TMEM123: variants seen among roughly 807,000 people sequenced by gnomAD.
The protein encoded by TMEM123 is porimin.
Under a neutral mutation model 19.7 loss-of-function variants are expected in TMEM123, and 16 were observed. The observed-to-expected ratio is 0.81, with a 90% CI of 0.55 to 1.23. The LOEUF is 1.23. TMEM123 is among the 50% of genes most tolerant of loss of function. The pLI is 0.00. For missense variants in TMEM123, 313 were observed against 257.8 expected, an observed-to-expected ratio of 1.21 and a Z score of -1.47; for synonymous variants, 118 against 99.4, an observed-to-expected ratio of 1.19 and a Z score of -1.12.
At chr11:102,427,599 G>A (rs749946803) in intron 2 of TMEM123, among the ~76,000 whole-genome samples, 3 of 151,488 alleles carry the variant, frequency 2.0e-5, no homozygotes, top group African/African-American at 4.9e-5. Flanking sequence ...AGCACTTCGG[G>A]AGGCTGAGGC....
intron 4 of TMEM123, among the ~76,000 whole-genome samples, chr11:102,399,102 G>A (rs142759451): frequency 1.3e-5 from 2 of 152,306 alleles, no homozygotes; most frequent in East Asian, 3.9e-4. Flanking sequence ...ATCTTGTCTT[G>A]CTGCAATCAT....
intron 4 of TMEM123, among the ~76,000 whole-genome samples, chr11:102,401,034 A>G (rs958489505): frequency 3.9e-5 from 6 of 152,230 alleles, no homozygotes; most frequent in African/African-American, 1.4e-4. Context: ...CTAAAAAGAG[A>G]GTTTTGCTAC....
In TMEM123 at chr11:102,397,325, C is replaced by T. The variant is rs938625583; in HGVS notation, c.*1542G>A. 2 of 152,064 alleles carry T rather than the reference C, an allele frequency of 1.3e-5. No individual in the cohort carries two copies. Among genetic ancestry groups the T allele is most frequent in the African/African-American group, 4.8e-5 (2 of 41,416 alleles). 9.4% of individuals were successfully genotyped at this position (152,064 alleles called of 1,614,324 possible). Reference sequence around the variant, plus strand: ...ATTGTACTCCTATTAAATGTAGGTGCATGTTCATTAGGACATCTGAGCTAT... The same window carrying T: ...ATTGTACTCCTATTAAATGTAGGTGTATGTTCATTAGGACATCTGAGCTAT... On this transcript the variant is annotated 3_prime_UTR_variant, in exon 5 of 5. Coordinates refer to ENST00000398136, the MANE Select transcript of TMEM123 (RefSeq NM_052932.3).
intron 2 of TMEM123, among the ~76,000 whole-genome samples, chr11:102,404,212 A>G (rs1200853816): frequency 6.6e-6 from 1 of 152,180 alleles, no homozygotes; most frequent in Non-Finnish European, 1.5e-5. Context: ...ACCAAAAGTG[A>G]TACTTCATAT....
intron 2 of TMEM123, among the ~76,000 whole-genome samples, chr11:102,433,247 A>G (rs912184929): frequency 6.6e-6 from 1 of 151,970 alleles, no homozygotes; most frequent in African/African-American, 2.4e-5. Context: ...AGCATCTGGG[A>G]AGGGGGCTGT....
chr11:102,426,930 G>T (rs1952133308), intron 2 of TMEM123, among the ~76,000 whole-genome samples: 1 of 126,218 alleles, frequency 7.9e-6, no homozygotes, highest in Admixed American at 1.1e-4. Context: ...TTTGTGTCTG[G>T]GTATATATAT....
At chr11:102,427,997 A>G (rs1175907003) in intron 2 of TMEM123, among the ~76,000 whole-genome samples, 2 of 152,152 alleles carry the variant, frequency 1.3e-5, no homozygotes, top group Non-Finnish European at 2.9e-5. Context: ...CTCTTCCTCA[A>G]TGAGGATATA....
At chr11:102,402,243 T>TA in intron 2 of TMEM123, 37 bp from the exon 3 acceptor site, 2 of 1,593,178 alleles carry the variant, frequency 1.3e-6, no homozygotes, top group South Asian at 2.3e-5. Flanking sequence ...ACCAGAGCTA[T>TA]GATTTAGGGA....
intron 2 of TMEM123, among the ~76,000 whole-genome samples, chr11:102,420,003 G>A (rs1029468422): frequency 1.9e-4 from 29 of 152,176 alleles, no homozygotes; most frequent in Admixed American, 8.5e-4. Flanking sequence ...GCCAAATTTC[G>A]TTCTGTAGAA....
chr11:102,414,056 T>A (rs189760946), intron 2 of TMEM123, among the ~76,000 whole-genome samples: 465 of 152,226 alleles, frequency 3.1e-3, no homozygotes, highest in Middle Eastern at 6.8e-3. Context: ...ATGACAAGGA[T>A]TTCAAGTATT....
intron 2 of TMEM123, among the ~76,000 whole-genome samples, chr11:102,408,547 G>C (rs1373807256): frequency 6.6e-6 from 1 of 152,088 alleles, no homozygotes; most frequent in Non-Finnish European, 1.5e-5. Flanking sequence ...TATAAATCAG[G>C]GCTATCACAA....
rs1951859996 is a variant in TMEM123, at chr11:102,396,835, T to C, written c.*2032A>G. The C allele has an allele frequency of 1.3e-5, 2 of 152,278 alleles. No homozygotes were observed. Among genetic ancestry groups the C allele is most frequent in the South Asian group, 4.1e-4 (2 of 4,828 alleles). 9.4% of individuals were successfully genotyped at this position (152,278 alleles called of 1,614,324 possible). A position where few individuals can be genotyped will look rare whatever the true frequency, so the allele number is the denominator to read the frequency against. ...GAAACTTTCAAGGCAAATGATGACT[T>C]AGTACTTAAAAAGTGGTTTTTCTAT... On this transcript the variant is annotated 3_prime_UTR_variant, in exon 5 of 5. Transcript: ENST00000398136.
At chr11:102,442,498 C>T (rs1857837875) in intron 2 of TMEM123, among the ~76,000 whole-genome samples, 3 of 152,200 alleles carry the variant, frequency 2.0e-5, no homozygotes, top group Admixed American at 2.0e-4. Context: ...ATTCAACAAC[C>T]TTCATGCTAA....
chr11:102,450,825 C>A (rs982253646), intron 1 of TMEM123, among the ~76,000 whole-genome samples: 2 of 152,114 alleles, frequency 1.3e-5, no homozygotes, highest in Non-Finnish European at 2.9e-5. Flanking sequence ...AGAATATGTA[C>A]CCAGTAAAAA....
chr11:102,422,090 T>C (rs1373140805), intron 2 of TMEM123, among the ~76,000 whole-genome samples: 1 of 152,234 alleles, frequency 6.6e-6, no homozygotes, highest in Admixed American at 6.5e-5. Context: ...ACATATTGAT[T>C]AGGCATTAAT....
At chr11:102,411,087 C>T (rs1390218174) in intron 2 of TMEM123, among the ~76,000 whole-genome samples, 1 of 152,098 alleles carries the variant, frequency 6.6e-6, no homozygotes, top group Non-Finnish European at 1.5e-5. Flanking sequence ...TTTGCTCAAA[C>T]CTGAGTTTTT....
chr11:102,436,473 T>A lies in TMEM123; in HGVS notation c.157+12339A>T, dbSNP rs1220789863. On this transcript the variant is annotated intron_variant, in intron 2 of 4. Transcript: ENST00000398136. Reference sequence around the variant, plus strand: ...CCACCGCACCCAGCCTCAATTTAACTCCTTATAAATAAATGTAATTCAAAG... The same window carrying A: ...CCACCGCACCCAGCCTCAATTTAACACCTTATAAATAAATGTAATTCAAAG... Among the ~76,000 whole-genome samples, 3 of 152,068 alleles carry A rather than the reference T, an allele frequency of 2.0e-5. No individual in the cohort carries two copies. The East Asian group carries it at 5.8e-4, about 29-fold the overall frequency.
chr11:102,438,727 C>T (rs1175696861), intron 2 of TMEM123, among the ~76,000 whole-genome samples: 1 of 152,228 alleles, frequency 6.6e-6, no homozygotes, highest in African/African-American at 2.4e-5. Flanking sequence ...CCAGGTTCAT[C>T]TCACTGGGGC....
At chr11:102,451,227 A>C (rs1294602940) in intron 1 of TMEM123, 1 of 152,268 alleles carries the variant, frequency 6.6e-6, no homozygotes, top group East Asian at 1.9e-4. Flanking sequence ...TAATTCATTG[A>C]AACAGTAAGG....
Sources: allele counts gnomAD v4.1 joint callset (sites outside exome capture counted in the v4.1 genomes callset), GRCh38; gene constraint gnomAD v4.1.1; transcripts MANE v1.5; gene names NCBI Gene and HGNC (gene_info 2026-07-23, HGNC 2026-07-21).